Variants in DZANK1 observed in about 807,000 individuals in gnomAD.
The protein encoded by DZANK1 is double zinc ribbon and ankyrin repeat domains 1.
Under a neutral mutation model 94.5 loss-of-function variants are expected in DZANK1, and 91 were observed. That is an observed-to-expected ratio of 0.96 (90% CI 0.81 to 1.15). DZANK1 has a LOEUF of 1.15. DZANK1 is among the 50% of genes most tolerant of loss of function. The pLI, the probability that DZANK1 is intolerant of heterozygous loss-of-function variation, is 0.00. For synonymous variants in DZANK1, 312 were observed against 325.3 expected (o/e 0.96, Z 0.44); for missense variants, 903 against 916.4 (o/e 0.99, Z 0.19).
At position 18,452,813 on chromosome 20, in the gene DZANK1, C is replaced by A. The variant is rs16979192; in HGVS notation, c.476-131G>T. On this transcript the variant is annotated intron_variant, in intron 5 of 20. Coordinates refer to ENST00000262547, the Ensembl canonical transcript of DZANK1. ...TAATCATACAAAGATATCTTCACAG[C>A]GGGAGACCTTTTAATAAAGAACCAC... 6 of 1,419,136 alleles carry A rather than the reference C, an allele frequency of 4.2e-6. No homozygotes were observed. In the African/African-American group the frequency reaches 7.3e-5, roughly 17 times the overall value. The allele number at this position is 1,419,136 out of a possible 1,614,324, so 87.9% of individuals were successfully genotyped here. A position where few individuals can be genotyped will look rare whatever the true frequency, so the allele number is the denominator to read the frequency against.
intron 10 of DZANK1, among the ~76,000 whole-genome samples, chr20:18,417,024 C>CA (rs758353663): frequency 0.022 from 1,157 of 52,904 alleles, 5 homozygotes; most frequent in South Asian, 0.049. Flanking sequence ...ATCAAAAAAA[C>CA]AAAAAAAAAC....
intron 19 of DZANK1, among the ~76,000 whole-genome samples, chr20:18,387,102 C>T (rs578078386): frequency 7.9e-5 from 12 of 152,344 alleles, no homozygotes; most frequent in African/African-American, 2.9e-4. Flanking sequence ...CTCTCTGTCA[C>T]TTCACCCCTA....
chr20:18,413,018 C>T lies in DZANK1; in HGVS notation c.1243-183G>A, dbSNP rs1263810180. 7.4e-6 allele frequency: 5 copies of T among 671,164 alleles called. No individual in the cohort carries two copies. The Admixed American group carries it at 8.8e-5, about 12-fold the overall frequency. 41.6% of individuals were successfully genotyped at this position (671,164 alleles called of 1,614,324 possible). On this transcript the variant is annotated intron_variant, in intron 12 of 20. Coordinates refer to ENST00000262547, the Ensembl canonical transcript of DZANK1. Reference sequence around the variant, plus strand: ...TTTGCCTCATCTTCCTTGCTCCTGTCTTTCTCAGCAACTTCCAGCCTGATC... The same window carrying T: ...TTTGCCTCATCTTCCTTGCTCCTGTTTTTCTCAGCAACTTCCAGCCTGATC...
In DZANK1 at chr20:18,430,978, G is replaced by C. The variant is rs4813326; in HGVS notation, c.861+2674C>G. Among the ~76,000 whole-genome samples, 361 of 152,160 alleles carry C rather than the reference G, an allele frequency of 2.4e-3. 4 individuals are homozygous for C. The highest frequency in any genetic ancestry group is 0.02 in the Admixed American group (303 of 15,276). On this transcript the variant is annotated intron_variant, in intron 9 of 20. Coordinates refer to ENST00000262547, the Ensembl canonical transcript of DZANK1. ...TGAATATACATAAATATGTTTCTGT[G>C]AATCTAGAAAAATACATAAAAGGAC...
chr20:18,446,783 T>C (rs1350479586), intron 7 of DZANK1, among the ~76,000 whole-genome samples: 1 of 152,188 alleles, frequency 6.6e-6, no homozygotes, highest in African/African-American at 2.4e-5. Flanking sequence ...TAACACCAAT[T>C]TTACATAAAC....
At chr20:18,426,381 T>TAATAACCACATTGTCCATGA (rs2058044967) in intron 10 of DZANK1, among the ~76,000 whole-genome samples, 3 of 151,506 alleles carry the variant, frequency 2.0e-5, no homozygotes, top group African/African-American at 7.3e-5. Flanking sequence ...CTGTAGACCA[T>TAATAACCACATTGTCCATGA]AATAACCACA....
chr20:18,431,104 T>C (rs983851194), intron 9 of DZANK1, among the ~76,000 whole-genome samples: 2 of 152,092 alleles, frequency 1.3e-5, no homozygotes, highest in African/African-American at 4.8e-5. Context: ...TTTCATTTGT[T>C]ACAAAAAATT....
chr20:18,464,478 T>C lies in DZANK1; in HGVS notation c.109+772A>G, dbSNP rs149903996. ...TCACAATGGCTCTAAGAAGTAGATATTATTATTCCTGTCTTACAGTGAGGT... is the reference window on the plus strand; with the variant it reads ...TCACAATGGCTCTAAGAAGTAGATACTATTATTCCTGTCTTACAGTGAGGT... On this transcript the variant is annotated intron_variant, in intron 2 of 20. Coordinates refer to ENST00000262547, the Ensembl canonical transcript of DZANK1. Among the ~76,000 whole-genome samples, 50 of 152,302 alleles carry C rather than the reference T, an allele frequency of 3.3e-4. No individual in the cohort carries two copies. The East Asian group carries it at 8.3e-3, about 25-fold the overall frequency.
intron 8 of DZANK1, among the ~76,000 whole-genome samples, chr20:18,437,591 G>GA (rs1354650036): frequency 6.0e-5 from 9 of 149,030 alleles, no homozygotes; most frequent in African/African-American, 1.2e-4. Context: ...TCAAAGAAAA[G>GA]AAAAAAAAGA....
intron 2 of DZANK1, among the ~76,000 whole-genome samples, chr20:18,462,837 C>G (rs900516912): frequency 6.6e-6 from 1 of 150,736 alleles, no homozygotes; most frequent in Non-Finnish European, 1.5e-5. Context: ...ACTCCGAAGA[C>G]TGAGGCATGA....
At chr20:18,412,998 C>T (rs2057331029) in intron 12 of DZANK1, 145 bp from the exon 13 acceptor site, 2 of 741,328 alleles carry the variant, frequency 2.7e-6, no homozygotes, top group Admixed American at 2.9e-5. Flanking sequence ...CAGCCTTTGC[C>T]TCATCTTCCT....
At chr20:18,427,354 T>C (rs1478476792) in intron 9 of DZANK1, among the ~76,000 whole-genome samples, 195 bp from the exon 10 acceptor site, 2 of 152,062 alleles carry the variant, frequency 1.3e-5, no homozygotes, top group African/African-American at 2.4e-5. Flanking sequence ...GGTTTTTTTT[T>C]TTCCATTTGT....
chr20:18,465,460 A>G (rs2059616009), intron 1 of DZANK1, 83 bp from the exon 2 acceptor site: 1 of 444,898 alleles, frequency 2.2e-6, no homozygotes, highest in Non-Finnish European at 3.9e-6. Context: ...AAACTAGTTA[A>G]AACGAGAGAA....
intron 7 of DZANK1, among the ~76,000 whole-genome samples, chr20:18,447,663 G>T (rs1431574708): frequency 2.0e-5 from 3 of 151,916 alleles, no homozygotes; most frequent in African/African-American, 7.3e-5. Context: ...AAGTTTGAAA[G>T]GACACTTTAC....
chr20:18,400,156 T>C (rs369706041), intron 13 of DZANK1, among the ~76,000 whole-genome samples: 1 of 152,212 alleles, frequency 6.6e-6, no homozygotes, highest in East Asian at 1.9e-4. Context: ...CTTACTTGGG[T>C]TCCCCTGAAA....
At chr20:18,452,046 T>A (rs2424196) in intron 6 of DZANK1, 198,540 of 418,898 alleles carry the variant, frequency 0.47, 48,171 homozygotes, top group East Asian at 0.59. Context: ...CAACCATACC[T>A]GACCGTTAGA....
At chr20:18,398,842 T>C (rs905608633) in intron 13 of DZANK1, among the ~76,000 whole-genome samples, 1 of 152,146 alleles carries the variant, frequency 6.6e-6, no homozygotes, top group African/African-American at 2.4e-5. Context: ...ATTATAGAAT[T>C]TCAAAAGAGG....
chr20:18,455,310 T>G, exon 4 of DZANK1: 1 of 1,609,790 alleles, frequency 6.2e-7, no homozygotes, highest in Non-Finnish European at 8.5e-7. Flanking sequence ...TATTTGGTGG[T>G]TCATAGTCTA....
exon 16 of DZANK1, chr20:18,394,284 C>T (rs759091921): frequency 6.2e-7 from 1 of 1,613,806 alleles, no homozygotes; most frequent in Non-Finnish European, 8.5e-7. Flanking sequence ...CACAGCCCCC[C>T]ATCACCCTCG....
Sources: allele counts gnomAD v4.1 joint callset (sites outside exome capture counted in the v4.1 genomes callset), GRCh38; gene constraint gnomAD v4.1.1; transcripts MANE v1.5; gene names NCBI Gene and HGNC (gene_info 2026-07-23, HGNC 2026-07-21).